PCED1B: variants seen among roughly 807,000 people sequenced by gnomAD.
The protein encoded by PCED1B is PC-esterase domain-containing protein 1B.
For synonymous variants in PCED1B, 251 were observed against 246.1 expected (o/e 1.02, Z -0.19); for missense variants, 573 against 573.9 (o/e 1.00, Z 0.02).
chr12:47,109,607 C>T (rs1939104029), intron 2 of PCED1B, among the ~76,000 whole-genome samples: 1 of 152,098 alleles, frequency 6.6e-6, no homozygotes, highest in South Asian at 2.1e-4. Flanking sequence ...TTTATTCCAT[C>T]TCTATAAAAT....
intron 3 of PCED1B, among the ~76,000 whole-genome samples, chr12:47,218,553 G>A (rs1943373953): frequency 2.0e-5 from 3 of 152,090 alleles, no homozygotes; most frequent in South Asian, 4.1e-4. Context: ...GTGCCATCAC[G>A]ACTCACTGCA....
At position 47,180,833 on chromosome 12, in the gene PCED1B, G is replaced by A. The variant is rs146098695; in HGVS notation, c.-525-35389G>A. 8.1e-4 allele frequency among the ~76,000 whole-genome samples: 123 copies of A among 152,058 alleles called. 1 individual carries two copies. In the East Asian group the frequency reaches 0.021, roughly 26 times the overall value. On this transcript the variant is annotated intron_variant, in intron 2 of 3. Coordinates refer to ENST00000546455, the MANE Select transcript of PCED1B (RefSeq NM_138371.3). ...ATTCATGCAGCCAACAAACATCTGG[G>A]GAAAAAAGCAGTTGATTTTTTATTA...
chr12:47,083,316 C>T (rs1937831280), intron 1 of PCED1B, among the ~76,000 whole-genome samples: 1 of 152,134 alleles, frequency 6.6e-6, no homozygotes, highest in Non-Finnish European at 1.5e-5. Context: ...AATTTATACA[C>T]TGGCAGATAT....
At chr12:47,084,308 G>T (rs1409361047) in intron 1 of PCED1B, among the ~76,000 whole-genome samples, 1 of 152,196 alleles carries the variant, frequency 6.6e-6, no homozygotes, top group Non-Finnish European at 1.5e-5. Flanking sequence ...CAGAATGATT[G>T]TATGGGTACT....
intron 2 of PCED1B, among the ~76,000 whole-genome samples, chr12:47,195,156 C>A (rs907804869): frequency 6.6e-6 from 1 of 151,954 alleles, no homozygotes; most frequent in Non-Finnish European, 1.5e-5. Flanking sequence ...AGGCGAAATT[C>A]CGTCTCTTCT....
chr12:47,224,658 A>G lies in PCED1B; in HGVS notation c.-58+7969A>G, dbSNP rs1309272081. Among the ~76,000 whole-genome samples, 3 of 152,180 alleles carry G rather than the reference A, an allele frequency of 2.0e-5. No homozygotes were observed. The East Asian group carries it at 5.8e-4, about 29-fold the overall frequency. ...CGCATGATTTTAGATGTGTTTAAAG[A>G]CTACCTGGATAACCAACTTAGAAAT... On this transcript the variant is annotated intron_variant, in intron 3 of 3. Coordinates refer to ENST00000546455, the MANE Select transcript of PCED1B (RefSeq NM_138371.3).
intron 2 of PCED1B, among the ~76,000 whole-genome samples, chr12:47,198,294 G>GTA (rs1942666508): frequency 6.6e-6 from 1 of 152,132 alleles, no homozygotes; most frequent in Non-Finnish European, 1.5e-5. Flanking sequence ...GAAGAAAAAT[G>GTA]TATATGCTCA....
chr12:47,181,434 A>G (rs558288550), intron 2 of PCED1B, among the ~76,000 whole-genome samples: 6 of 151,530 alleles, frequency 4.0e-5, no homozygotes, highest in African/African-American at 1.5e-4. Context: ...CAATGGTGCA[A>G]TCTTAGCTCA....
chr12:47,210,927 C>T (rs1943058195), intron 2 of PCED1B, among the ~76,000 whole-genome samples: 1 of 151,974 alleles, frequency 6.6e-6, no homozygotes, highest in Non-Finnish European at 1.5e-5. Context: ...TACTATTTTA[C>T]CGGTAAAATG....
At chr12:47,213,240 G>A (rs1434676096) in intron 2 of PCED1B, among the ~76,000 whole-genome samples, 1 of 152,186 alleles carries the variant, frequency 6.6e-6, no homozygotes, top group East Asian at 1.9e-4. Flanking sequence ...TATGTTATCA[G>A]AGAAGATTTC....
At chr12:47,087,401 C>CTA (rs1938041015) in intron 1 of PCED1B, among the ~76,000 whole-genome samples, 2 of 152,120 alleles carry the variant, frequency 1.3e-5, no homozygotes, top group African/African-American at 4.8e-5. Flanking sequence ...CAGAAATCTG[C>CTA]CTTGCTCTGG....
At chr12:47,200,130 G>A (rs1378123800) in intron 2 of PCED1B, among the ~76,000 whole-genome samples, 1 of 152,038 alleles carries the variant, frequency 6.6e-6, no homozygotes, top group African/African-American at 2.4e-5. Context: ...AACCCTGGGA[G>A]GTTGTAGTGA....
chr12:47,226,418 G>A (rs1019654982), intron 3 of PCED1B, among the ~76,000 whole-genome samples: 1 of 152,192 alleles, frequency 6.6e-6, no homozygotes, highest in Non-Finnish European at 1.5e-5. Context: ...CTGTCGCCCA[G>A]CCTGGAGTGC....
intron 2 of PCED1B, among the ~76,000 whole-genome samples, chr12:47,186,321 T>C (rs1942265629): frequency 6.6e-6 from 1 of 151,540 alleles, no homozygotes; most frequent in Admixed American, 6.6e-5. Flanking sequence ...TTTGAGCTTC[T>C]AGGGGCAGCA....
chr12:47,157,189 G>C (rs1296422698), intron 2 of PCED1B, among the ~76,000 whole-genome samples: 2 of 152,094 alleles, frequency 1.3e-5, no homozygotes, highest in Non-Finnish European at 2.9e-5. Flanking sequence ...TGTAGGTAGA[G>C]CTTACCCCTG....
chr12:47,220,068 CAAAAAAAAAAAA>C (rs763940625), intron 3 of PCED1B, among the ~76,000 whole-genome samples: 1 of 103,738 alleles, frequency 9.6e-6, no homozygotes, highest in Non-Finnish European at 2.1e-5. Context: ...GACACTGCCT[CAAAAAAAAAAAA>C]AAAAAAAAAA....
intron 1 of PCED1B, among the ~76,000 whole-genome samples, chr12:47,093,110 T>A (rs1042453700): frequency 6.6e-6 from 1 of 152,004 alleles, no homozygotes; most frequent in African/African-American, 2.4e-5. Flanking sequence ...TGATAAACTA[T>A]CTGAGCCCAG....
At chr12:47,189,297 C>T (rs2137647732) in intron 2 of PCED1B, among the ~76,000 whole-genome samples, 1 of 152,242 alleles carries the variant, frequency 6.6e-6, no homozygotes, top group Non-Finnish European at 1.5e-5. Context: ...GTCCTTTTCT[C>T]TGAGGAGATG....
chr12:47,122,651 G>T (rs1939727744), intron 2 of PCED1B, among the ~76,000 whole-genome samples: 2 of 152,060 alleles, frequency 1.3e-5, no homozygotes, highest in African/African-American at 4.8e-5. Flanking sequence ...ATTTTCCTAA[G>T]GCATTGAGCA....
Sources: allele counts gnomAD v4.1 joint callset (sites outside exome capture counted in the v4.1 genomes callset), GRCh38; gene constraint gnomAD v4.1.1; transcripts MANE v1.5; gene names NCBI Gene and HGNC (gene_info 2026-07-23, HGNC 2026-07-21).